HS3ST3A1: variants seen among roughly 807,000 people sequenced by gnomAD.
The protein encoded by HS3ST3A1 is heparan sulfate glucosamine 3-O-sulfotransferase 3A1.
HS3ST3A1 carries 19 observed loss-of-function variants against 25.7 expected under a neutral mutation model. The ratio of observed to expected loss-of-function variants is 0.74; its 90% CI spans 0.52 to 1.08. The LOEUF (loss-of-function observed/expected upper bound fraction) is 1.08, where lower values mean the gene tolerates loss of function less well. Among genes scored for constraint, HS3ST3A1 ranks in the 50% least tolerant of loss-of-function variants. The probability of loss-of-function intolerance (pLI) is 0.00; values close to 1 mark genes in which losing one functional copy is unlikely to be tolerated. For synonymous variants in HS3ST3A1, 226 were observed against 278.6 expected, an observed-to-expected ratio of 0.81 and a Z score of 1.88; for missense variants, 459 against 594.3, an observed-to-expected ratio of 0.77 and a Z score of 2.37.
At chr17:13,497,793 T>A (rs1905332143) in intron 1 of HS3ST3A1, among the ~76,000 whole-genome samples, 1 of 152,270 alleles carries the variant, frequency 6.6e-6, no homozygotes. Flanking sequence ...TTTGTAGTTT[T>A]GACTTCTCTT....
intron 1 of HS3ST3A1, among the ~76,000 whole-genome samples, chr17:13,502,188 GT>G (rs1220981706): frequency 6.6e-6 from 1 of 152,114 alleles, no homozygotes; most frequent in Non-Finnish European, 1.5e-5. Flanking sequence ...AAGTGTTATG[GT>G]CAAGCAGGAA....
intron 1 of HS3ST3A1, among the ~76,000 whole-genome samples, chr17:13,548,345 A>G (rs1907144529): frequency 6.6e-6 from 1 of 152,066 alleles, no homozygotes; most frequent in Non-Finnish European, 1.5e-5. Flanking sequence ...TTCTTTTAAT[A>G]AGGGCACTAA....
At chr17:13,516,037 G>A (rs879580291) in intron 1 of HS3ST3A1, among the ~76,000 whole-genome samples, 9 of 152,024 alleles carry the variant, frequency 5.9e-5, no homozygotes, top group Non-Finnish European at 1.3e-4. Context: ...CGGGCCTGGC[G>A]TGTTGGCTCA....
chr17:13,595,409 C>T (rs1908546887), intron 1 of HS3ST3A1, among the ~76,000 whole-genome samples: 1 of 152,146 alleles, frequency 6.6e-6, no homozygotes, highest in African/African-American at 2.4e-5. Flanking sequence ...TAAATTTTGG[C>T]TTCACAACAG....
intron 1 of HS3ST3A1, among the ~76,000 whole-genome samples, chr17:13,512,305 C>CAAAAAAAAAAAA (rs67523378): frequency 4.1e-4 from 34 of 82,024 alleles, no homozygotes; most frequent in African/African-American, 6.6e-4. Context: ...GACTCCGTCT[C>CAAAAAAAAAAAA]AAAAAAAAAA....
chr17:13,573,388 T>G (rs537732068), intron 1 of HS3ST3A1, among the ~76,000 whole-genome samples: 1 of 152,288 alleles, frequency 6.6e-6, no homozygotes, highest in Non-Finnish European at 1.5e-5. Flanking sequence ...AGGTTCCACC[T>G]AGAACTCGAA....
intron 1 of HS3ST3A1, among the ~76,000 whole-genome samples, chr17:13,565,821 C>T (rs556224073): frequency 8.0e-4 from 122 of 152,244 alleles, no homozygotes; most frequent in African/African-American, 2.9e-3. Context: ...TTACTTCTCT[C>T]TTTGTTTATC....
rs373831926 is a variant in HS3ST3A1 at position 13,498,793 on chromosome 17, G to T, written c.600-1975C>A. Among the ~76,000 whole-genome samples the T allele has an allele frequency of 7.2e-5, 11 of 152,122 alleles. 1 individual carries two copies. In the East Asian group the frequency reaches 1.7e-3, roughly 24 times the overall value. ...ATGGACAATTTCCTCTGTATCTTTG[G>T]GTCTTCACCCTGAAAGTTCTTGCAT... is the stretch of plus-strand genomic sequence containing the variant. On this transcript the variant is annotated intron_variant, in intron 1 of 1. Coordinates refer to ENST00000284110, the MANE Select transcript of HS3ST3A1 (RefSeq NM_006042.3).
intron 1 of HS3ST3A1, among the ~76,000 whole-genome samples, chr17:13,530,217 T>G (rs370025853): frequency 3.7e-4 from 56 of 152,304 alleles, no homozygotes; most frequent in Admixed American, 1.0e-3. Flanking sequence ...TTTTTAGCTT[T>G]GAATAAGTTA....
At chr17:13,568,675 C>T (rs562138466) in intron 1 of HS3ST3A1, among the ~76,000 whole-genome samples, 6 of 152,286 alleles carry the variant, frequency 3.9e-5, no homozygotes, top group Admixed American at 3.9e-4. Flanking sequence ...CTCTTCCACA[C>T]GGTAGGTTTC....
intron 1 of HS3ST3A1, among the ~76,000 whole-genome samples, chr17:13,556,888 C>T (rs1907396071): frequency 6.8e-6 from 1 of 147,104 alleles, no homozygotes; most frequent in South Asian, 2.2e-4. Context: ...TCAGCATAAA[C>T]AGAAATGCAC....
At chr17:13,552,537 C>A (rs926240172) in intron 1 of HS3ST3A1, among the ~76,000 whole-genome samples, 2 of 152,168 alleles carry the variant, frequency 1.3e-5, no homozygotes, top group Non-Finnish European at 1.5e-5. Flanking sequence ...CAGAGGAGGC[C>A]GTTTCTGCCT....
chr17:13,526,933 G>A (rs1411105787), intron 1 of HS3ST3A1, among the ~76,000 whole-genome samples: 2 of 152,218 alleles, frequency 1.3e-5, no homozygotes, highest in Non-Finnish European at 2.9e-5. Context: ...GATTATAGGC[G>A]TGAGCCACCG....
At chr17:13,594,273 G>C (rs957629975) in intron 1 of HS3ST3A1, among the ~76,000 whole-genome samples, 1 of 152,118 alleles carries the variant, frequency 6.6e-6, no homozygotes, top group African/African-American at 2.4e-5. Flanking sequence ...TGTCCTATTT[G>C]TCCCTTTCAT....
chr17:13,601,205 C>T lies in HS3ST3A1; in HGVS notation c.-76G>A. The T allele has an allele frequency of 8.5e-7, 1 of 1,182,674 alleles. No individual in the cohort carries two copies. Among genetic ancestry groups the T allele is most frequent in the Non-Finnish European group, 1.1e-6 (1 of 886,668 alleles). 73.3% of individuals were successfully genotyped at this position (1,182,674 alleles called of 1,614,324 possible). A position where few individuals can be genotyped will look rare whatever the true frequency, so the allele number is the denominator to read the frequency against. ...CCCGACAGGTGCCAGAGCATCCCCC[C>T]GGCGGGCCAGCGCGCTGGACGGAGG... On this transcript the variant is annotated 5_prime_UTR_variant, in exon 1 of 2. Coordinates refer to ENST00000284110, the MANE Select transcript of HS3ST3A1 (RefSeq NM_006042.3).
chr17:13,539,903 G>A (rs915971469), intron 1 of HS3ST3A1, among the ~76,000 whole-genome samples: 2 of 152,184 alleles, frequency 1.3e-5, no homozygotes, highest in Non-Finnish European at 2.9e-5. Flanking sequence ...AACCATGTAA[G>A]ATGAGATTCC....
At chr17:13,532,123 G>A (rs541223276) in intron 1 of HS3ST3A1, among the ~76,000 whole-genome samples, 20 of 152,268 alleles carry the variant, frequency 1.3e-4, no homozygotes, top group African/African-American at 3.8e-4. Context: ...TTGAAACAGC[G>A]TACTTTAAGG....
Position 13,496,136 on chromosome 17 carries a change from C to A in HS3ST3A1, c.*61G>T. ...GCACAAATATTAAACTGTCTCTTCT[C>A]TACCGATTGGTAAAAAAATATATTA... On this transcript the variant is annotated 3_prime_UTR_variant, in exon 2 of 2. Coordinates refer to ENST00000284110, the MANE Select transcript of HS3ST3A1 (RefSeq NM_006042.3). 1 of 1,434,004 alleles carries A rather than the reference C, an allele frequency of 7.0e-7. No individual in the cohort carries two copies. The highest frequency in any genetic ancestry group is 9.2e-7 in the Non-Finnish European group (1 of 1,086,402). The allele number at this position is 1,434,004 out of a possible 1,614,324, so 88.8% of individuals were successfully genotyped here. A position where few individuals can be genotyped will look rare whatever the true frequency, so the allele number is the denominator to read the frequency against.
intron 1 of HS3ST3A1, among the ~76,000 whole-genome samples, chr17:13,589,946 A>G: frequency 6.6e-6 from 1 of 152,230 alleles, no homozygotes; most frequent in African/African-American, 2.4e-5. Context: ...TGACTTTGTC[A>G]TTCAAACCAG....
Sources: gnomAD v4.1 joint callset for allele counts (sites outside exome capture counted in the v4.1 genomes callset) on GRCh38, gnomAD v4.1.1 for gene constraint, MANE v1.5 for transcripts, NCBI Gene and HGNC (gene_info 2026-07-23, HGNC 2026-07-21) for gene names.